Variants in OTUD7A observed in about 807,000 individuals in gnomAD.
OTUD7A encodes OTU deubiquitinase 7A, also known as OTU domain-containing protein 7A.
A neutral mutation model predicts 65.7 loss-of-function variants in OTUD7A; 12 were observed. The ratio of observed to expected loss-of-function variants is 0.18; its 90% CI spans 0.12 to 0.30. The LOEUF (loss-of-function observed/expected upper bound fraction) is 0.30, where lower values mean the gene tolerates loss of function less well. OTUD7A is among the 10% of genes least tolerant of loss of function. The pLI is 1.00. For missense variants in OTUD7A, 1,148 were observed against 1,304.8 expected (o/e 0.88, Z 1.85); for synonymous variants, 641 against 586.3 (o/e 1.09, Z -1.35).
At position 31,655,187 on chromosome 15, in the gene OTUD7A, A is replaced by C; in HGVS notation, c.60T>G (p.His20Gln). Residue 20 changes from histidine (H) to glutamine (Q), a missense_variant, in exon 3 of 13, where the codon CAT (histidine) becomes CAG (glutamine). Physicochemically the swap from His to Gln is conservative, Grantham distance 24. Coordinates refer to ENST00000307050, the MANE Select transcript of OTUD7A (RefSeq NM_001382637.1). ...TSAECWAALLHDPMTLDMDAV... is the reference protein window; with the variant it reads ...TSAECWAALLQDPMTLDMDAV... ...CGTCCATATCAAGAGTCATAGGATC[A>C]TGTAGAAGTGCTGCCCAACACTCAG... 2.6e-6 allele frequency: 4 copies of C among 1,544,706 alleles called. No homozygotes were observed. Among genetic ancestry groups the C allele is most frequent in the Non-Finnish European group, 3.5e-6 (4 of 1,137,150 alleles).
intron 1 of OTUD7A, among the ~76,000 whole-genome samples, chr15:31,724,700 A>G (rs1467054039): frequency 2.0e-5 from 3 of 152,220 alleles, no homozygotes; most frequent in African/African-American, 7.2e-5. Flanking sequence ...ATACAAGGGC[A>G]GGAGTGCTGG....
intron 3 of OTUD7A, among the ~76,000 whole-genome samples, chr15:31,638,562 G>GT (rs71422902): frequency 0.023 from 3,168 of 138,288 alleles, 117 homozygotes; most frequent in African/African-American, 0.074. Context: ...GTAGGTTTTT[G>GT]TTTTTTTTTT....
chr15:31,573,309 T>G (rs140377871), intron 3 of OTUD7A, among the ~76,000 whole-genome samples: 2 of 152,272 alleles, frequency 1.3e-5, no homozygotes, highest in East Asian at 3.9e-4. Flanking sequence ...ATTTTAAACA[T>G]GAATCGTTCA....
At chr15:31,579,549 C>T (rs1889308048) in intron 3 of OTUD7A, among the ~76,000 whole-genome samples, 1 of 152,208 alleles carries the variant, frequency 6.6e-6, no homozygotes, top group Non-Finnish European at 1.5e-5. Context: ...GAGATTTCAT[C>T]ATGCTACTCA....
chr15:31,540,082 G>T (rs529853249), intron 5 of OTUD7A, among the ~76,000 whole-genome samples: 1 of 152,102 alleles, frequency 6.6e-6, no homozygotes, highest in Non-Finnish European at 1.5e-5. Context: ...AAATTTTTCC[G>T]CTGTTTCAAT....
chr15:31,629,227 G>T (rs2141246980), intron 3 of OTUD7A, among the ~76,000 whole-genome samples: 1 of 152,246 alleles, frequency 6.6e-6, no homozygotes, highest in South Asian at 2.1e-4. Context: ...TTGGCTGTGG[G>T]TTTGTCATAG....
intron 1 of OTUD7A, chr15:31,766,057 C>A (rs1427980614): frequency 1.3e-6 from 2 of 1,520,808 alleles, no homozygotes; most frequent in African/African-American, 2.7e-5. Flanking sequence ...AGTCCATCTC[C>A]AGGACTTTCA....
intron 3 of OTUD7A, among the ~76,000 whole-genome samples, chr15:31,589,353 G>A (rs1316719337): frequency 2.0e-5 from 3 of 150,028 alleles, no homozygotes; most frequent in Admixed American, 2.0e-4. Context: ...AGGCTGGCGT[G>A]TAGTGACATG....
At chr15:31,820,682 G>A (rs139667311) in intron 1 of OTUD7A, among the ~76,000 whole-genome samples, 129 of 152,262 alleles carry the variant, frequency 8.5e-4, no homozygotes, top group African/African-American at 3.0e-3. Flanking sequence ...TGGATCCAGT[G>A]GTTGGCTGCC....
intron 1 of OTUD7A, among the ~76,000 whole-genome samples, chr15:31,804,001 G>A (rs975311584): frequency 3.9e-5 from 6 of 152,198 alleles, no homozygotes; most frequent in African/African-American, 1.4e-4. Context: ...GGGTACATCA[G>A]ATGCCTCCCT....
At chr15:31,868,411 T>C (rs896617666) in intron 1 of OTUD7A, among the ~76,000 whole-genome samples, 6 of 152,204 alleles carry the variant, frequency 3.9e-5, no homozygotes, top group African/African-American at 7.2e-5. Flanking sequence ...GCCAGATTGA[T>C]TTCACAGACT....
chr15:31,824,182 CAGG>C (rs1393805107), intron 1 of OTUD7A, among the ~76,000 whole-genome samples: 1 of 152,212 alleles, frequency 6.6e-6, no homozygotes. Flanking sequence ...CCTTCATGCT[CAGG>C]ACACTGAAGC....
chr15:31,746,537 C>T (rs1894484120), intron 1 of OTUD7A, among the ~76,000 whole-genome samples: 1 of 144,450 alleles, frequency 6.9e-6, no homozygotes, highest in Admixed American at 7.2e-5. Context: ...GACAGAGTTT[C>T]ACTCTCATCC....
At chr15:31,690,256 T>TACTTTAAGTTTAAGTAATAA (rs1412726354) in intron 1 of OTUD7A, among the ~76,000 whole-genome samples, 3 of 152,240 alleles carry the variant, frequency 2.0e-5, no homozygotes, top group African/African-American at 7.2e-5. Context: ...AAGCTTCAGT[T>TACTTTAAGTTTAAGTAATAA]CTATATTATT....
intron 1 of OTUD7A, among the ~76,000 whole-genome samples, chr15:31,824,056 C>A (rs919279282): frequency 1.3e-5 from 2 of 152,158 alleles, no homozygotes; most frequent in African/African-American, 4.8e-5. Context: ...AAGACACAGT[C>A]CAAGGCATGA....
At chr15:31,763,241 C>T (rs1018424425) in intron 1 of OTUD7A, among the ~76,000 whole-genome samples, 1 of 152,088 alleles carries the variant, frequency 6.6e-6, no homozygotes, top group South Asian at 2.1e-4. Flanking sequence ...AGAGATCGTG[C>T]CACTGCACTC....
rs1223923589 is a variant in OTUD7A at position 31,502,455 on chromosome 15, A to AT, written c.1022-617dup. Among the ~76,000 whole-genome samples, 8 of 152,350 alleles carry AT rather than the reference A, an allele frequency of 5.3e-5. No homozygotes were observed. In the East Asian group the frequency reaches 1.5e-3, roughly 29 times the overall value. ...CTAAAGCAGCATCTGCTTTGAGGTCATGAAACGTCTTTACTTTTGGCCCTA... is the reference window on the plus strand; with the variant it reads ...CTAAAGCAGCATCTGCTTTGAGGTCATTGAAACGTCTTTACTTTTGGCCCTA... On this transcript the variant is annotated intron_variant, in intron 9 of 12. Transcript: ENST00000307050.
chr15:31,743,347 T>C (rs1234504864), intron 1 of OTUD7A, among the ~76,000 whole-genome samples: 1 of 151,998 alleles, frequency 6.6e-6, no homozygotes, highest in Non-Finnish European at 1.5e-5. Flanking sequence ...ATAACATGCA[T>C]GTAAATAACT....
chr15:31,746,422 C>T (rs889052115), intron 1 of OTUD7A, among the ~76,000 whole-genome samples: 39 of 151,606 alleles, frequency 2.6e-4, no homozygotes, highest in African/African-American at 7.3e-4. Context: ...AAAAAAAGAA[C>T]GACATATGGA....
Sources: allele counts gnomAD v4.1 joint callset (sites outside exome capture counted in the v4.1 genomes callset), GRCh38; gene constraint gnomAD v4.1.1; transcripts MANE v1.5; gene names NCBI Gene and HGNC (gene_info 2026-07-23, HGNC 2026-07-21).